Variants in MACROH2A1 observed in about 807,000 individuals in gnomAD.
MACROH2A1 encodes core histone macro-H2A.1.
MACROH2A1 carries 2 observed loss-of-function variants against 31.6 expected under a neutral mutation model. The ratio of observed to expected loss-of-function variants is 0.06; its 90% CI spans 0.03 to 0.20. MACROH2A1 has a LOEUF of 0.20. Ranked by LOEUF, MACROH2A1 falls within the 10% of genes least tolerant of loss-of-function variation. The pLI is 1.00. For synonymous variants in MACROH2A1, 169 were observed against 189.6 expected (o/e 0.89, Z 0.89); for missense variants, 230 against 474.0 (o/e 0.49, Z 4.78).
At chr5:135,347,853 G>C (rs1191747397) in intron 6 of MACROH2A1, among the ~76,000 whole-genome samples, 1 of 152,192 alleles carries the variant, frequency 6.6e-6, no homozygotes, top group Admixed American at 6.5e-5. Flanking sequence ...AATGCTGGAG[G>C]CTGGACTAGT....
chr5:135,340,643 C>T (rs1759671560), intron 8 of MACROH2A1, among the ~76,000 whole-genome samples: 1 of 152,212 alleles, frequency 6.6e-6, no homozygotes, highest in African/African-American at 2.4e-5. Flanking sequence ...CACTGGGCCT[C>T]AGCTAAGAGA....
At chr5:135,338,507 G>T (rs1759194508) in intron 8 of MACROH2A1, among the ~76,000 whole-genome samples, 1 of 152,178 alleles carries the variant, frequency 6.6e-6, no homozygotes, top group Non-Finnish European at 1.5e-5. Flanking sequence ...GCTGTGACTG[G>T]GTAACTGCTG....
intron 1 of MACROH2A1, among the ~76,000 whole-genome samples, chr5:135,390,203 G>T (rs991776525): frequency 6.6e-6 from 1 of 152,182 alleles, no homozygotes; most frequent in African/African-American, 2.4e-5. Flanking sequence ...ACTTGCCTCT[G>T]CCTTCTGCCA....
intron 4 of MACROH2A1, 81 bp from the exon 5 acceptor site, chr5:135,360,688 A>G (rs1762730913): frequency 1.0e-6 from 1 of 959,054 alleles, no homozygotes; most frequent in Non-Finnish European, 1.7e-6. Flanking sequence ...AGCCTCACCC[A>G]TAACACCCAA....
At chr5:135,376,842 G>A (rs1311172957) in intron 2 of MACROH2A1, among the ~76,000 whole-genome samples, 3 of 152,144 alleles carry the variant, frequency 2.0e-5, no homozygotes, top group African/African-American at 2.4e-5. Context: ...AAAAAAGTGC[G>A]ACAAGCTTGA....
chr5:135,396,443 C>T (rs1318300035), intron 1 of MACROH2A1, among the ~76,000 whole-genome samples: 1 of 152,072 alleles, frequency 6.6e-6, no homozygotes, highest in African/African-American at 2.4e-5. Context: ...CCTGTTTGTC[C>T]CTCCCTGAAG....
intron 2 of MACROH2A1, among the ~76,000 whole-genome samples, chr5:135,386,149 G>A (rs1368728479): frequency 6.6e-6 from 1 of 152,224 alleles, no homozygotes; most frequent in Non-Finnish European, 1.5e-5. Flanking sequence ...AATCGGCTAA[G>A]GGCTGGTCAC....
intron 2 of MACROH2A1, among the ~76,000 whole-genome samples, chr5:135,370,897 T>C (rs1012908907): frequency 2.0e-5 from 3 of 152,208 alleles, no homozygotes; most frequent in African/African-American, 4.8e-5. Context: ...GTAATAATGG[T>C]ATTGCCATTC....
intron 6 of MACROH2A1, 69 bp downstream of exon 6, chr5:135,352,877 A>C (rs1480379014): frequency 1.1e-6 from 1 of 871,328 alleles, no homozygotes; most frequent in African/African-American, 1.6e-5. Context: ...GGAAGATGAA[A>C]TGCCTAAATT....
At chr5:135,358,898 T>G in intron 5 of MACROH2A1, 1 of 985,338 alleles carries the variant, frequency 1.0e-6, no homozygotes, top group Middle Eastern at 5.2e-4. Flanking sequence ...AGAGCTGACA[T>G]GTTCCTGGCT....
intron 2 of MACROH2A1, 147 bp downstream of exon 2, chr5:135,388,775 G>T: frequency 1.7e-6 from 1 of 592,528 alleles, no homozygotes. Context: ...AGAGAATCTA[G>T]GTGAAAATGT....
intron 5 of MACROH2A1, chr5:135,357,332 G>C (rs1168231601): frequency 6.6e-6 from 1 of 152,290 alleles, no homozygotes; most frequent in African/African-American, 2.4e-5. Context: ...GTGGGGGGAA[G>C]GGGTGAATGG....
intron 2 of MACROH2A1, 38 bp from the exon 3 acceptor site, chr5:135,370,180 G>A (rs1406070998): frequency 7.5e-7 from 1 of 1,324,846 alleles, no homozygotes; most frequent in East Asian, 2.4e-5. Flanking sequence ...TCATGTTAGA[G>A]GACCATGTGT....
In MACROH2A1 at chr5:135,342,318, T is replaced by G. The variant is rs374283995; in HGVS notation, c.953+942A>C. Among the ~76,000 whole-genome samples the G allele has an allele frequency of 6.6e-5, 10 of 152,336 alleles. No individual in the cohort carries two copies. The South Asian group carries it at 1.9e-3, about 28-fold the overall frequency. On this transcript the variant is annotated intron_variant, in intron 8 of 8. Transcript: ENST00000511689. ...CTGAGATACTGCATGGGGGGATTAT[T>G]ATGCCAACTTCTCAGAATGGGGGTT...
chr5:135,378,526 G>A lies in MACROH2A1; in HGVS notation c.173-8384C>T, dbSNP rs181918533. On this transcript the variant is annotated intron_variant, in intron 2 of 8. Coordinates refer to ENST00000511689, the MANE Select transcript of MACROH2A1 (RefSeq NM_138610.3). ...TGTCCCCTCAGGCTGTGTCTTCATCGAGCCAGCCTTGGGGACCGGGCATTT... is the reference window on the plus strand; with the variant it reads ...TGTCCCCTCAGGCTGTGTCTTCATCAAGCCAGCCTTGGGGACCGGGCATTT... Among the ~76,000 whole-genome samples, 44 of 152,302 alleles carry A rather than the reference G, an allele frequency of 2.9e-4. No individual in the cohort carries two copies. The East Asian group carries it at 7.9e-3, about 27-fold the overall frequency.
At position 135,355,173 on chromosome 5, in the gene MACROH2A1, C is replaced by T. The variant is rs576242607; in HGVS notation, c.589-2128G>A. 1.2e-3 allele frequency: 532 copies of T among 456,054 alleles called. 3 individuals carry two copies. Among genetic ancestry groups the T allele is most frequent in the Non-Finnish European group, 1.7e-3 (391 of 226,806 alleles). The allele number at this position is 456,054 out of a possible 1,614,324, so 28.3% of individuals were successfully genotyped here. On this transcript the variant is annotated intron_variant, in intron 5 of 8. Transcript: ENST00000511689. ...TCTGACTCTCTTCGCGGGAGAACCA[C>T]CTGCTCTGTCTAGGGGAATGGGATT...
chr5:135,377,739 T>C (rs1423529017), intron 2 of MACROH2A1, among the ~76,000 whole-genome samples: 3 of 152,228 alleles, frequency 2.0e-5, no homozygotes, highest in Non-Finnish European at 2.9e-5. Context: ...TAACACTGGA[T>C]AGATGAGAAG....
chr5:135,394,048 A>G (rs1467503886), intron 1 of MACROH2A1, among the ~76,000 whole-genome samples: 2 of 152,042 alleles, frequency 1.3e-5, no homozygotes, highest in African/African-American at 4.8e-5. Flanking sequence ...GGCTATGTAG[A>G]CCCCATGAAT....
At chr5:135,389,214 C>T in intron 1 of MACROH2A1, 88 bp from the exon 2 acceptor site, 3 of 959,062 alleles carry the variant, frequency 3.1e-6, no homozygotes, top group Admixed American at 2.7e-5. Context: ...TGGAAGGCCC[C>T]AGGCCTGCCT....
Sources: gnomAD v4.1 joint callset for allele counts (sites outside exome capture counted in the v4.1 genomes callset) on GRCh38, gnomAD v4.1.1 for gene constraint, MANE v1.5 for transcripts, NCBI Gene and HGNC (gene_info 2026-07-23, HGNC 2026-07-21) for gene names.